Variants in TBC1D10B observed in about 807,000 individuals in gnomAD.
TBC1D10B encodes TBC1 domain family member 10B.
In TBC1D10B, 25 loss-of-function variants were observed where a neutral mutation model predicts 78.4. The ratio of observed to expected loss-of-function variants is 0.32; its 90% CI spans 0.23 to 0.45. TBC1D10B has a LOEUF of 0.45. Ranked by LOEUF, TBC1D10B falls within the 20% of genes least tolerant of loss-of-function variation. The pLI, the probability that TBC1D10B is intolerant of heterozygous loss-of-function variation, is 1.00. For synonymous variants in TBC1D10B, 517 were observed against 478.0 expected (o/e 1.08, Z -1.06); for missense variants, 996 against 1,104.8 (o/e 0.90, Z 1.40).
At chr16:30,366,337 TCTACTATAAATACAA>T (rs2049635603) in intron 1 of TBC1D10B, 1 of 152,048 alleles carries the variant, frequency 6.6e-6, no homozygotes, top group Admixed American at 6.6e-5. Context: ...AAACCCTGTC[TCTACTATAAATACAA>T]AAATTAGCCA....
In TBC1D10B at chr16:30,358,506, C is replaced by T. The variant is rs754819198; in HGVS notation, c.1865G>A (p.Arg622Gln). 6.2e-6 allele frequency: 10 copies of T among 1,609,240 alleles called. No individual in the cohort carries two copies. The highest frequency in any genetic ancestry group is 1.6e-4 in the Middle Eastern group (1 of 6,074). ...RENAAQLKKW[R>Q]ETRGELQYRP... ...ATACTGCAGCTCCCCCCGCGTTTCC[C>T]GCCACTTCTTGAGCTGGGCTGCATT... Residue 622 changes from arginine (R) to glutamine (Q), a missense_variant, in exon 9 of 9, where the codon CGG becomes CAG. Arg to Gln is a conservative substitution (Grantham distance 43, BLOSUM62 1). This residue lies in a region of TBC1D10B where 168 missense variants were observed against 238.7 expected (regional missense o/e 0.70). Transcript: ENST00000409939.
intron 4 of TBC1D10B, among the ~76,000 whole-genome samples, chr16:30,364,145 C>T (rs1159353732): frequency 6.7e-6 from 1 of 148,944 alleles, no homozygotes; most frequent in African/African-American, 2.5e-5. Flanking sequence ...AAAGAAAGAA[C>T]AAAAAGTCCA....
rs370535045 is a variant in TBC1D10B, at chr16:30,358,771, C to T, written c.1689G>A (p.Thr563=). ...AGCGCAGCTTCTCCACTGAGCCCAG[C>T]GTGTGGCGCAGCAGGACCAGGGCCA... ...FRVALVLLRH[T]LGSVEKLRSC... Residue 563 remains threonine (T), a synonymous_variant, in exon 8 of 9, where the codon ACG becomes ACA. Transcript: ENST00000409939. 242 of 1,609,154 alleles carry T rather than the reference C, an allele frequency of 1.5e-4. 1 individual carries two copies. Among genetic ancestry groups the T allele is most frequent in the South Asian group, 4.4e-4 (40 of 90,114 alleles).
rs375727468 is a variant in TBC1D10B, at chr16:30,358,829, G to A, written c.1643-12C>T. The A allele has an allele frequency of 6.3e-7, 1 of 1,598,118 alleles. No homozygotes were observed. Among genetic ancestry groups the A allele is most frequent in the Non-Finnish European group, 8.5e-7 (1 of 1,172,264 alleles). On this transcript the variant is annotated splice_polypyrimidine_tract_variant and intron_variant, in intron 7 of 8. Transcript: ENST00000409939. ...GATGATCTTAACGCCTGCAGGGGTG[G>A]AGAGTAGAGAGCATGGGGTGGTCAG...
rs1001773677 is a variant in TBC1D10B at position 30,369,942 on chromosome 16, G to C, written c.242C>G (p.Ala81Gly). Residue 81 changes from alanine (A) to glycine (G), a missense_variant, in exon 1 of 9, where the codon GCC (alanine) becomes GGC (glycine). Physicochemically the swap from Ala to Gly is moderately conservative, Grantham distance 60. Coordinates refer to ENST00000409939, the MANE Select transcript of TBC1D10B (RefSeq NM_015527.4). This position sits in a 1 kb window ranked among gnomAD's most constrained non-coding sequence, Gnocchi z 4.3. ...CACCGTGCTGCCCGTGACAGCCGGG[G>C]CTGGGGCCGGGGCTGGGGCCGGGGC... ...APAPAPAPAP[A>G]PAVTGSTVVV... 87 of 1,219,358 alleles carry C rather than the reference G, an allele frequency of 7.1e-5. 3 individuals are homozygous for C. The South Asian group carries it at 1.6e-3, about 23-fold the overall frequency. The allele number at this position is 1,219,358 out of a possible 1,614,324, so 75.5% of individuals were successfully genotyped here.
chr16:30,359,461 T>TGGGGC, intron 6 of TBC1D10B, 77 bp downstream of exon 6: 4 of 1,548,172 alleles, frequency 2.6e-6, no homozygotes, highest in Non-Finnish European at 3.5e-6. Context: ...AAGGCCAGGG[T>TGGGGC]GGGGCAAGGC....
chr16:30,365,727 G>C lies in TBC1D10B; in HGVS notation c.957-133C>G. 1 of 817,682 alleles carries C rather than the reference G, an allele frequency of 1.2e-6. No homozygotes were observed. Among genetic ancestry groups the C allele is most frequent in the Non-Finnish European group, 2.0e-6 (1 of 501,612 alleles). 50.7% of individuals were successfully genotyped at this position (817,682 alleles called of 1,614,324 possible). A position where few individuals can be genotyped will look rare whatever the true frequency, so the allele number is the denominator to read the frequency against. On this transcript the variant is annotated intron_variant, in intron 1 of 8. Transcript: ENST00000409939. The surrounding 1 kb of genome is among the most constrained non-coding windows in gnomAD (Gnocchi z 5.0). ...TAGTCTGTGAGCTGCCAAACATCAG[G>C]ATGTCTGGCCACTTGGGCATCCCAA...
Position 30,369,548 on chromosome 16 carries a change from G to A in TBC1D10B, c.636C>T (p.Asp212=), listed in dbSNP as rs1462858781. ...AGGGGCCTGTGCCAGGGCCTGAGGG[G>A]TCCTCAGGAGCCTGTCCTGCTGATG... The part of the protein sequence containing the change: ...TSASAGQAPE[D]PSGPGTGPSG... The change falls in exon 1 of 9, where the codon GAC becomes GAT. Residue 212 remains aspartate (D), a synonymous_variant. Coordinates refer to ENST00000409939, the MANE Select transcript of TBC1D10B (RefSeq NM_015527.4). The surrounding 1 kb of genome is among the most constrained non-coding windows in gnomAD (Gnocchi z 4.3). 3.9e-6 allele frequency: 6 copies of A among 1,543,630 alleles called. No individual in the cohort carries two copies. Among genetic ancestry groups the A allele is most frequent in the Non-Finnish European group, 5.2e-6 (6 of 1,143,408 alleles).
chr16:30,365,028 TACCTC>T lies in TBC1D10B; in HGVS notation c.1165-27_1165-23del. The T allele has an allele frequency of 6.2e-7, 1 of 1,612,996 alleles. No individual in the cohort carries two copies. On this transcript the variant is annotated intron_variant, in intron 3 of 8. Transcript: ENST00000409939. This position sits in a 1 kb window ranked among gnomAD's most constrained non-coding sequence, Gnocchi z 5.0. The stretch of plus-strand genomic sequence containing the variant: ...GCTCCTGCAGTGGGACAGTGGGGAT[TACCTC>T]AGCATCTGGGGGAACTGATACCCCT...
rs907376385 is a variant in TBC1D10B, at chr16:30,369,939, G to A, written c.245C>T (p.Pro82Leu). 1.1e-5 allele frequency: 14 copies of A among 1,220,326 alleles called. No individual in the cohort carries two copies. The highest frequency in any genetic ancestry group is 1.1e-4 in the African/African-American group (7 of 62,908). The allele number at this position is 1,220,326 out of a possible 1,614,324, so 75.6% of individuals were successfully genotyped here. A position where few individuals can be genotyped will look rare whatever the true frequency, so the allele number is the denominator to read the frequency against. The change falls in exon 1 of 9, where the codon CCG (proline) becomes CTG (leucine). Residue 82 changes from proline to leucine, a missense_variant. Transcript: ENST00000409939. The surrounding 1 kb of genome is among the most constrained non-coding windows in gnomAD (Gnocchi z 4.3). The stretch of plus-strand genomic sequence containing the variant: ...CACCACCGTGCTGCCCGTGACAGCC[G>A]GGGCTGGGGCCGGGGCTGGGGCCGG... ...PAPAPAPAPA[P>L]AVTGSTVVVL...
rs1377006982 is a variant in TBC1D10B, at chr16:30,370,110, G to A, written c.74C>T (p.Pro25Leu). The A allele has an allele frequency of 1.6e-6, 2 of 1,220,114 alleles. No individual in the cohort carries two copies. The highest frequency in any genetic ancestry group is 3.2e-5 in the East Asian group (1 of 30,802). The allele number at this position is 1,220,114 out of a possible 1,614,324, so 75.6% of individuals were successfully genotyped here. The change falls in exon 1 of 9, where the codon CCC becomes CTC. Residue 25 changes from proline to leucine, a missense_variant. Transcript: ENST00000409939. ...GACGGGCCCGGCCCGGGAACCCCGG[G>A]GCGGCGGCGAGGGGGCCGCGGGGGC... ...HGAPAAPSPP[P>L]RGSRAGPVVV... is the part of the protein sequence containing the mutation.
At chr16:30,362,254 G>C (rs1352636850) in intron 4 of TBC1D10B, among the ~76,000 whole-genome samples, 1 of 152,112 alleles carries the variant, frequency 6.6e-6, no homozygotes, top group South Asian at 2.1e-4. Flanking sequence ...CAAAGTGCTG[G>C]GATTACAGGT....
In TBC1D10B at chr16:30,358,090, C is replaced by T. The variant is rs758856063; in HGVS notation, c.2281G>A (p.Glu761Lys). 44 of 1,549,936 alleles carry T rather than the reference C, an allele frequency of 2.8e-5. No individual in the cohort carries two copies. Among genetic ancestry groups the T allele is most frequent in the Non-Finnish European group, 3.8e-5 (44 of 1,145,526 alleles). ...KEREKQEKER[E>K]KQEKERQKQE... ...TTCTGCCGCTCCTTCTCCTGCTTCT[C>T]TCGCTCCTTTTCCTGCTTCTCTCGC... The change falls in exon 9 of 9, where the codon GAG becomes AAG. Residue 761 changes from glutamate (E) to lysine (K), a missense_variant. This residue lies in a region of TBC1D10B where 285 missense variants were observed against 252.5 expected (regional missense o/e 1.13). Coordinates refer to ENST00000409939, the MANE Select transcript of TBC1D10B (RefSeq NM_015527.4).
chr16:30,369,812 C>T lies in TBC1D10B; in HGVS notation c.372G>A (p.Arg124=), dbSNP rs1483007988. 1 of 1,421,584 alleles carries T rather than the reference C, an allele frequency of 7.0e-7. No individual in the cohort carries two copies. Among genetic ancestry groups the T allele is most frequent in the Non-Finnish European group, 9.2e-7 (1 of 1,087,768 alleles). 88.1% of individuals were successfully genotyped at this position (1,421,584 alleles called of 1,614,324 possible). ...GCGAGTCTGCCCCTGCGGCCAGAGC[C>T]CTCGATGTCTCAACTCCAGCCACTG... ...PAAVAGVETS[R]ALAAGADSPK... Residue 124 remains arginine, a synonymous_variant, in exon 1 of 9, where the codon AGG becomes AGA. Coordinates refer to ENST00000409939, the MANE Select transcript of TBC1D10B (RefSeq NM_015527.4). This position sits in a 1 kb window ranked among gnomAD's most constrained non-coding sequence, Gnocchi z 4.3.
In TBC1D10B at chr16:30,359,241, T is replaced by C. The variant is rs1177981879; in HGVS notation, c.1573A>G (p.Met525Val). Residue 525 changes from methionine (M) to valine (V), a missense_variant, in exon 7 of 9, where the codon ATG (methionine) becomes GTG (valine). This residue lies in a region of TBC1D10B where 168 missense variants were observed against 238.7 expected (regional missense o/e 0.70). Transcript: ENST00000409939. ...GGCAGGGTGCGGGCGAAGATGCACA[T>C]GAACCACTCCGTCATGTAGAGCACA... ...DPVLYMTEWFMCIFARTLPWA... is the reference protein window; with the variant it reads ...DPVLYMTEWFVCIFARTLPWA... 6.2e-7 allele frequency: 1 copy of C among 1,612,982 alleles called. No homozygotes were observed. Among genetic ancestry groups the C allele is most frequent in the Non-Finnish European group, 8.5e-7 (1 of 1,179,476 alleles).
Position 30,357,140 on chromosome 16 carries a change from C to T in TBC1D10B, c.*804G>A, listed in dbSNP as rs1271633766. 6.5e-6 allele frequency: 1 copy of T among 152,986 alleles called. No homozygotes were observed. Among genetic ancestry groups the T allele is most frequent in the African/African-American group, 2.4e-5 (1 of 41,406 alleles). 9.5% of individuals were successfully genotyped at this position (152,986 alleles called of 1,614,324 possible). ...CAGGTTCTTTTCCAATTCCTCAAAG[C>T]GCTGCATGGGGTGGGGGCAGAGACA... On this transcript the variant is annotated 3_prime_UTR_variant, in exon 9 of 9. Transcript: ENST00000409939.
intron 4 of TBC1D10B, among the ~76,000 whole-genome samples, chr16:30,362,582 T>TA (rs1242622996): frequency 6.6e-6 from 1 of 152,214 alleles, no homozygotes; most frequent in African/African-American, 2.4e-5. Context: ...GTTGCCTTTG[T>TA]GACTTCATCC....
chr16:30,359,055 G>T, intron 7 of TBC1D10B, 117 bp downstream of exon 7: 1 of 1,365,524 alleles, frequency 7.3e-7, no homozygotes, highest in East Asian at 2.5e-5. Flanking sequence ...GCTGCTTATG[G>T]TGAAACCTCC....
Position 30,369,498 on chromosome 16 carries a change from G to T in TBC1D10B, c.686C>A (p.Ala229Asp), listed in dbSNP as rs989478070. ...CGGAGCTGGGGTCACGGTCACGACA[G>T]CTACCGGAGCCTCACAAGTCCCAGA... is the stretch of plus-strand genomic sequence containing the variant. ...GPSGTCEAPVAVVTVTPAPEP... is the reference protein window; with the variant it reads ...GPSGTCEAPVDVVTVTPAPEP... Residue 229 changes from alanine (A) to aspartate (D), a missense_variant, in exon 1 of 9, where the codon GCT (alanine) becomes GAT (aspartate). Physicochemically the swap from Ala to Asp is moderately radical, Grantham distance 126 (BLOSUM62 -2). Transcript: ENST00000409939. The surrounding 1 kb of genome is among the most constrained non-coding windows in gnomAD (Gnocchi z 4.3). 37 of 1,551,130 alleles carry T rather than the reference G, an allele frequency of 2.4e-5. No individual in the cohort carries two copies. The Admixed American group carries it at 4.5e-4, about 19-fold the overall frequency.
Sources: allele counts gnomAD v4.1 joint callset (sites outside exome capture counted in the v4.1 genomes callset), GRCh38; gene constraint gnomAD v4.1.1; regional missense constraint gnomAD v4.1.1; non-coding constraint Gnocchi (gnomAD v3.1); transcripts MANE v1.5; gene names NCBI Gene and HGNC (gene_info 2026-07-23, HGNC 2026-07-21).